AGAP3: variants seen among roughly 807,000 people sequenced by gnomAD.
AGAP3 encodes the protein ArfGAP with GTPase domain, ankyrin repeat and PH domain 3, also known as arf-GAP with GTPase, ANK repeat and PH domain-containing protein 3.
In AGAP3, 24 loss-of-function variants were observed where a neutral mutation model predicts 96.9. The ratio of observed to expected loss-of-function variants is 0.25; its 90% CI spans 0.18 to 0.35. The LOEUF (loss-of-function observed/expected upper bound fraction) is 0.35. Ranked by LOEUF, AGAP3 falls within the 10% of genes least tolerant of loss-of-function variation. AGAP3 has a pLI of 1.00. For synonymous variants in AGAP3, 563 were observed against 536.1 expected, an observed-to-expected ratio of 1.05 and a Z score of -0.69; for missense variants, 876 against 1,254.2, an observed-to-expected ratio of 0.70 and a Z score of 4.55.
At chr7:151,088,534 G>A (rs898197240) in intron 1 of AGAP3, among the ~76,000 whole-genome samples, 1 of 152,228 alleles carries the variant, frequency 6.6e-6, no homozygotes, top group African/African-American at 2.4e-5. Flanking sequence ...AGACATCGTT[G>A]CTGCAGCTTC....
At chr7:151,124,038 G>GCT in intron 9 of AGAP3, 152 bp downstream of exon 9, 1 of 790,308 alleles carries the variant, frequency 1.3e-6, no homozygotes, top group South Asian at 1.8e-5. Context: ...CAAGGGACTG[G>GCT]CTCTCCAGTG....
chr7:151,094,618 A>C (rs1443256325), intron 1 of AGAP3, among the ~76,000 whole-genome samples: 1 of 152,164 alleles, frequency 6.6e-6, no homozygotes, highest in Non-Finnish European at 1.5e-5. Context: ...TTGAGAGGTC[A>C]TTTGCATTTT....
At position 151,142,875 on chromosome 7, in the gene AGAP3, G is replaced by A. The variant is rs569937064; in HGVS notation, c.2273+241G>A. On this transcript the variant is annotated intron_variant, in intron 16 of 17. Transcript: ENST00000397238. The surrounding 1 kb of genome is among the most constrained non-coding windows in gnomAD (Gnocchi z 7.5). The stretch of plus-strand genomic sequence containing the variant: ...TCAGGGGCCAGCAGGAGGCGCATGC[G>A]CAGGGCCCCTATCACGGTGTGGTGC... 9.3e-4 allele frequency among the ~76,000 whole-genome samples: 142 copies of A among 152,348 alleles called. No homozygotes were observed. Among genetic ancestry groups the A allele is most frequent in the African/African-American group, 3.3e-3 (136 of 41,578 alleles).
intron 1 of AGAP3, chr7:151,115,453 T>A (rs1799521044): frequency 2.8e-5 from 28 of 1,013,824 alleles, no homozygotes; most frequent in Non-Finnish European, 3.3e-5. Context: ...CTAGGCGCCT[T>A]CCCCAGCCGC....
rs1323000158 is a variant in AGAP3 at position 151,118,089 on chromosome 7, G to T, written c.707-121G>T. 4.4e-6 allele frequency: 6 copies of T among 1,351,348 alleles called. No homozygotes were observed. Among genetic ancestry groups the T allele is most frequent in the Non-Finnish European group, 6.0e-6 (6 of 991,794 alleles). 83.7% of individuals were successfully genotyped at this position (1,351,348 alleles called of 1,614,324 possible). ...TGAGACCCAGGCACCCGCGTTCTTG[G>T]TGCTCTGTGTGTTCCACTCACCAGG... On this transcript the variant is annotated intron_variant, in intron 5 of 17. Transcript: ENST00000397238. This position sits in a 1 kb window ranked among gnomAD's most constrained non-coding sequence, Gnocchi z 6.1.
intron 9 of AGAP3, among the ~76,000 whole-genome samples, chr7:151,125,285 C>T (rs1326549483): frequency 1.3e-5 from 2 of 152,218 alleles, no homozygotes; most frequent in Non-Finnish European, 2.9e-5. Flanking sequence ...GTCCTACGTG[C>T]TCCCTTTCCT....
At chr7:151,137,934 C>T in intron 11 of AGAP3, 6 of 577,836 alleles carry the variant, frequency 1.0e-5, no homozygotes, top group South Asian at 2.1e-5. Flanking sequence ...AGCTGTGGAC[C>T]GTGAAGATCT....
At chr7:151,093,034 C>T (rs1258425780) in intron 1 of AGAP3, among the ~76,000 whole-genome samples, 1 of 152,188 alleles carries the variant, frequency 6.6e-6, no homozygotes, top group African/African-American at 2.4e-5. Flanking sequence ...AATGGTGGCT[C>T]TCTGAGGCGT....
At chr7:151,117,308 A>G (rs1799640512) in intron 3 of AGAP3, 63 bp from the exon 4 acceptor site, 8 of 1,606,402 alleles carry the variant, frequency 5.0e-6, no homozygotes, top group Non-Finnish European at 6.8e-6. Context: ...GAAGCTGTAG[A>G]TTTCTTCTTG....
At position 151,086,883 on chromosome 7, in the gene AGAP3, G is replaced by GGCC; in HGVS notation, c.143_145dup (p.Gly48_Pro49insArg). 7.6e-7 allele frequency: 1 copy of GGCC among 1,320,842 alleles called. No individual in the cohort carries two copies. The highest frequency in any genetic ancestry group is 9.7e-7 in the Non-Finnish European group (1 of 1,026,014). 81.8% of individuals were successfully genotyped at this position (1,320,842 alleles called of 1,614,324 possible). ...GGGGCCCGGGGCCGGGGGCGGCGGCGGCCCCTCGCAGCAGCTGGCCGGCGG... is the reference window on the plus strand; with the variant it reads ...GGGGCCCGGGGCCGGGGGCGGCGGCGGCCGCCCCTCGCAGCAGCTGGCCGGCGG... On this transcript the variant is annotated inframe_insertion, in exon 1 of 18. Transcript: ENST00000397238.
intron 1 of AGAP3, among the ~76,000 whole-genome samples, chr7:151,089,315 G>A (rs566973566): frequency 1.3e-4 from 20 of 152,294 alleles, no homozygotes; most frequent in African/African-American, 3.9e-4. Flanking sequence ...CTCCCTGGGC[G>A]TTTCCGAGCA....
chr7:151,138,261 C>T lies in AGAP3; in HGVS notation c.1614C>T (p.Ala538=), dbSNP rs1358428455. 9.9e-6 allele frequency: 16 copies of T among 1,612,824 alleles called. No homozygotes were observed. Among genetic ancestry groups the T allele is most frequent in the Admixed American group, 1.7e-5 (1 of 59,980 alleles). Reference sequence around the variant, plus strand: ...AGCGCTCCTGCTCCGTTTCCAGCGCCGACCAGTGGAGTGAGGCCACCACTT... The same window carrying T: ...AGCGCTCCTGCTCCGTTTCCAGCGCTGACCAGTGGAGTGAGGCCACCACTT... ...LHQRSCSVSS[A]DQWSEATTSL... is the part of the protein sequence containing the mutation. The change falls in exon 12 of 18, where the codon GCC becomes GCT. Residue 538 remains alanine (A), a synonymous_variant. Transcript: ENST00000397238.
chr7:151,118,171 C>T lies in AGAP3; in HGVS notation c.707-39C>T. ...CCCCCACCACACTACCCCAGCTTCT[C>T]CGAAAGCTGAATGACTCCCGCCCTC... On this transcript the variant is annotated intron_variant, in intron 5 of 17. Transcript: ENST00000397238. This position sits in a 1 kb window ranked among gnomAD's most constrained non-coding sequence, Gnocchi z 6.1. 1 of 1,577,854 alleles carries T rather than the reference C, an allele frequency of 6.3e-7. No homozygotes were observed. The highest frequency in any genetic ancestry group is 8.6e-7 in the Non-Finnish European group (1 of 1,156,746).
At chr7:151,123,448 C>T (rs1047222424) in intron 8 of AGAP3, 12 of 1,143,070 alleles carry the variant, frequency 1.0e-5, no homozygotes, top group Non-Finnish European at 1.1e-5. Context: ...CCGGTTGTCG[C>T]GCCCTGTGCT....
chr7:151,120,025 G>A lies in AGAP3; in HGVS notation c.1008G>A (p.Ser336=), dbSNP rs754541158. 3.3e-5 allele frequency: 53 copies of A among 1,613,866 alleles called. No individual in the cohort carries two copies. The highest frequency in any genetic ancestry group is 2.5e-4 in the South Asian group (23 of 91,086). The change falls in exon 8 of 18, where the codon TCG becomes TCA. Residue 336 remains serine (S), a synonymous_variant. Transcript: ENST00000397238. ...NGGGSAFSDY[S]SSVPSTPSIS... Reference sequence around the variant, plus strand: ...GCGGCAGCGCCTTCAGCGACTACTCGTCCTCAGTCCCCTCCACCCCCAGCA... The same window carrying A: ...GCGGCAGCGCCTTCAGCGACTACTCATCCTCAGTCCCCTCCACCCCCAGCA...
Position 151,143,749 on chromosome 7 carries a change from G to T in AGAP3, c.2542G>T (p.Val848Leu), listed in dbSNP as rs371015974. ...TQLLIWYGVD[V>L]RSRDARGLTP... ...TTTTCTCCTACAGTACGGGGTGGACGTGAGGAGCCGGGACGCCCGGGGCCT... is the reference window on the plus strand; with the variant it reads ...TTTTCTCCTACAGTACGGGGTGGACTTGAGGAGCCGGGACGCCCGGGGCCT... The change falls in exon 18 of 18, where the codon GTG becomes TTG. Residue 848 changes from valine to leucine, a missense_variant. Around this residue, in one of 8 missense-constraint regions of AGAP3, gnomAD observed 213 missense variants for 253.8 expected, o/e 0.84. Transcript: ENST00000397238. This position sits in a 1 kb window ranked among gnomAD's most constrained non-coding sequence, Gnocchi z 5.9. The T allele has an allele frequency of 1.9e-6, 3 of 1,614,182 alleles. No individual in the cohort carries two copies. The highest frequency in any genetic ancestry group is 1.7e-6 in the Non-Finnish European group (2 of 1,180,044).
At chr7:151,122,574 C>T (rs1265247947) in intron 8 of AGAP3, 7 of 865,716 alleles carry the variant, frequency 8.1e-6, no homozygotes, top group African/African-American at 3.4e-5. Flanking sequence ...TCCTTCTCCT[C>T]TTCCTCGTCC....
Position 151,092,943 on chromosome 7 carries a change from G to C in AGAP3, c.331+5871G>C, listed in dbSNP as rs185833054. Among the ~76,000 whole-genome samples, 145 of 152,176 alleles carry C rather than the reference G, an allele frequency of 9.5e-4. 1 individual carries two copies. Among genetic ancestry groups the C allele is most frequent in the African/African-American group, 3.3e-3 (138 of 41,520 alleles). ...TAGAATATAATTTTAGGGTGAATTA[G>C]GCCTCCTGCTCCCTACTATAATTTT... On this transcript the variant is annotated intron_variant, in intron 1 of 17. Coordinates refer to ENST00000397238, the MANE Select transcript of AGAP3 (RefSeq NM_031946.7).
chr7:151,118,420 C>A lies in AGAP3; in HGVS notation c.841+76C>A. Reference sequence around the variant, plus strand: ...GCGATAGGAAGGCTCCCAGTGAGAGCAAGGCTGTGTGTCTGGGGGGAGGTG... The same window carrying A: ...GCGATAGGAAGGCTCCCAGTGAGAGAAAGGCTGTGTGTCTGGGGGGAGGTG... On this transcript the variant is annotated intron_variant, in intron 6 of 17. Transcript: ENST00000397238. The surrounding 1 kb of genome is among the most constrained non-coding windows in gnomAD (Gnocchi z 6.1). The A allele has an allele frequency of 6.3e-7, 1 of 1,598,778 alleles. No homozygotes were observed. The highest frequency in any genetic ancestry group is 1.7e-5 in the Admixed American group (1 of 59,560).
Sources: allele counts gnomAD v4.1 joint callset (sites outside exome capture counted in the v4.1 genomes callset), GRCh38; gene constraint gnomAD v4.1.1; regional missense constraint gnomAD v4.1.1; non-coding constraint Gnocchi (gnomAD v3.1); transcripts MANE v1.5; gene names NCBI Gene and HGNC (gene_info 2026-07-23, HGNC 2026-07-21).